Variants in NTRK1 observed in about 807,000 individuals in gnomAD.
The protein encoded by NTRK1 is neurotrophic receptor tyrosine kinase 1, also known as high affinity nerve growth factor receptor.
NTRK1 carries 62 observed loss-of-function variants against 86.8 expected under a neutral mutation model. The observed-to-expected ratio is 0.71, with a 90% confidence interval of 0.58 to 0.88. The LOEUF (loss-of-function observed/expected upper bound fraction) is 0.88. NTRK1 is among the 40% of genes least tolerant of loss of function. The probability of loss-of-function intolerance (pLI) is 0.00; values close to 1 mark genes in which losing one functional copy is unlikely to be tolerated. For missense variants in NTRK1, 967 were observed against 1,078.4 expected, an observed-to-expected ratio of 0.90 and a Z score of 1.45; for synonymous variants, 469 against 456.6, an observed-to-expected ratio of 1.03 and a Z score of -0.35.
intron 2 of NTRK1, chr1:156,843,351 G>A: frequency 6.4e-7 from 1 of 1,572,978 alleles, no homozygotes; most frequent in Non-Finnish European, 8.8e-7. Context: ...CTGCAAGAAG[G>A]TCTTCTGGAA....
At chr1:156,852,004 G>A (rs1332777438) in intron 2 of NTRK1, 1 of 1,612,976 alleles carries the variant, frequency 6.2e-7, no homozygotes, top group South Asian at 1.1e-5. Context: ...GCTCAGCTGT[G>A]ACACAGCGCC....
intron 1 of NTRK1, chr1:156,840,677 C>T: frequency 1.6e-6 from 1 of 607,336 alleles, no homozygotes; most frequent in South Asian, 2.0e-5. Context: ...CCCCGAGGGA[C>T]TCAGAGTCTG....
upstream of NTRK1, chr1:156,858,388 C>T (rs146452171): frequency 6.4e-4 from 417 of 649,042 alleles, 3 homozygotes; most frequent in African/African-American, 6.7e-3. Flanking sequence ...AACTGCTTTT[C>T]CTGCTGGGCA....
intron 2 of NTRK1, chr1:156,843,301 C>T: frequency 6.4e-7 from 1 of 1,570,056 alleles, no homozygotes; most frequent in Admixed American, 1.7e-5. Context: ...CCCAACTTCT[C>T]TTCTCCTCTT....
chr1:156,870,506 A>AG (rs1053505580), intron 6 of NTRK1, among the ~76,000 whole-genome samples: 5 of 152,130 alleles, frequency 3.3e-5, no homozygotes, highest in African/African-American at 1.2e-4. Flanking sequence ...CAGTAGTTGG[A>AG]GGGGATGGGA....
intron 1 of NTRK1, among the ~76,000 whole-genome samples, chr1:156,839,099 T>C (rs1293557183): frequency 6.6e-6 from 1 of 152,216 alleles, no homozygotes; most frequent in African/African-American, 2.4e-5. Context: ...CAGTCACCAA[T>C]GCAGGGCAGG....
At chr1:156,818,332 C>T (rs1654079622) in intron 1 of NTRK1, among the ~76,000 whole-genome samples, 1 of 152,060 alleles carries the variant, frequency 6.6e-6, no homozygotes, top group African/African-American at 2.4e-5. Flanking sequence ...CTTTTAAAAA[C>T]ATGCTCTAAA....
chr1:156,868,195 A>C lies in NTRK1; in HGVS notation c.520A>C (p.Lys174Gln). Residue 174 changes from lysine (K) to glutamine (Q), a missense_variant, in exon 5 of 17, where the codon AAG (lysine) becomes CAG (glutamine). Physicochemically the swap from Lys to Gln is moderately conservative, Grantham distance 53. Coordinates refer to ENST00000524377, the MANE Select transcript of NTRK1 (RefSeq NM_002529.4). ...EEGLGGVPEQ[K>Q]LQCHGQGPLA... Reference sequence around the variant, plus strand: ...GGGACTGGGCGGAGTGCCTGAACAGAAGCTGCAGTGTCATGGGCAAGGGCC... The same window carrying C: ...GGGACTGGGCGGAGTGCCTGAACAGCAGCTGCAGTGTCATGGGCAAGGGCC... 6.2e-7 allele frequency: 1 copy of C among 1,613,426 alleles called. No homozygotes were observed. Among genetic ancestry groups the C allele is most frequent in the Non-Finnish European group, 8.5e-7 (1 of 1,180,040 alleles).
chr1:156,844,690 G>C, intron 2 of NTRK1: 1 of 1,614,094 alleles, frequency 6.2e-7, no homozygotes, highest in South Asian at 1.1e-5. Flanking sequence ...TGGGACGGGG[G>C]TCCCACGGGC....
chr1:156,842,497 C>T (rs144234948), intron 2 of NTRK1: 16 of 1,613,852 alleles, frequency 9.9e-6, no homozygotes, highest in Non-Finnish European at 1.4e-5. Flanking sequence ...ATACCACACC[C>T]AGGAGACGCA....
At chr1:156,825,824 G>A (rs568921250) in intron 1 of NTRK1, among the ~76,000 whole-genome samples, 3 of 152,160 alleles carry the variant, frequency 2.0e-5, no homozygotes, top group African/African-American at 7.2e-5. Flanking sequence ...CTTGCCATGA[G>A]CAAACACTGT....
rs183696668 is a variant in NTRK1, at chr1:156,875,067, T to C, written c.1354+59T>C. 53 of 1,229,750 alleles carry C rather than the reference T, an allele frequency of 4.3e-5. No homozygotes were observed. In the African/African-American group the frequency reaches 7.0e-4, roughly 16 times the overall value. The allele number at this position is 1,229,750 out of a possible 1,614,324, so 76.2% of individuals were successfully genotyped here. ...CTGTTCTCCTGGCTTTGTTTCCTAC[T>C]GGCTCTTCCTGACTCTGTCTCTGGG... is the stretch of plus-strand genomic sequence containing the variant. On this transcript the variant is annotated intron_variant, in intron 11 of 16. Transcript: ENST00000524377.
At chr1:156,858,838 A>G (rs918682322), upstream of NTRK1, 39 of 585,672 alleles carry the variant, frequency 6.7e-5, no homozygotes, top group African/African-American at 5.9e-4. Context: ...AGTTGGAGAC[A>G]GAGAGACTCA....
intron 2 of NTRK1, chr1:156,842,538 C>T: frequency 6.4e-7 from 1 of 1,574,100 alleles, no homozygotes; most frequent in Non-Finnish European, 8.7e-7. Flanking sequence ...TAGCAGACCC[C>T]CTAGTTCCCC....
chr1:156,826,369 C>T lies in NTRK1; in HGVS notation c.-64+10531C>T, dbSNP rs182560906. 6.9e-4 allele frequency among the ~76,000 whole-genome samples: 90 copies of T among 129,710 alleles called. No individual in the cohort carries two copies. In the East Asian group the frequency reaches 0.021, roughly 31 times the overall value. The allele number at this position is 129,710 out of a possible 152,430, so 85.1% of individuals were successfully genotyped here. On this transcript the variant is annotated intron_variant, in intron 1 of 16. Transcript: ENST00000392302. ...AGGCTGGAGTGCAGTGGCGTGATCT[C>T]GGCTCACTGCAAGCTCTGCCTCCCG... is the stretch of plus-strand genomic sequence containing the variant.
At chr1:156,875,466 G>A (rs2102914807) in intron 11 of NTRK1, 54 bp from the exon 12 acceptor site, 2 of 1,610,466 alleles carry the variant, frequency 1.2e-6, no homozygotes, top group Non-Finnish European at 1.7e-6. Flanking sequence ...AGGCAAGGGT[G>A]GGCAGGGCCA....
At chr1:156,841,661 C>T (rs760229277) in intron 1 of NTRK1, 1 of 1,613,628 alleles carries the variant, frequency 6.2e-7, no homozygotes, top group Non-Finnish European at 8.5e-7. Flanking sequence ...CAGCTCGGCC[C>T]CACCAGACAT....
intron 2 of NTRK1, chr1:156,844,799 T>A: frequency 6.2e-7 from 1 of 1,614,132 alleles, no homozygotes; most frequent in East Asian, 2.2e-5. Flanking sequence ...CTGTTCTTGC[T>A]GGAGGCCTCC....
intron 2 of NTRK1, chr1:156,842,376 C>T (rs764821124): frequency 6.2e-7 from 1 of 1,613,196 alleles, no homozygotes; most frequent in South Asian, 1.1e-5. Flanking sequence ...CTTTCACTCC[C>T]CAGGGTCTTC....
Sources: allele counts gnomAD v4.1 joint callset (sites outside exome capture counted in the v4.1 genomes callset), GRCh38; gene constraint gnomAD v4.1.1; transcripts MANE v1.5; gene names NCBI Gene and HGNC (gene_info 2026-07-23, HGNC 2026-07-21).